LHFPL3: variants seen among roughly 807,000 people sequenced by gnomAD.
LHFPL3 encodes LHFPL tetraspan subfamily member 3, also known as LHFPL tetraspan subfamily member 3 protein.
In LHFPL3, 5 loss-of-function variants were observed where a neutral mutation model predicts 19.3. That is an observed-to-expected ratio of 0.26 (90% CI 0.14 to 0.54). The LOEUF is 0.54. Ranked by LOEUF, LHFPL3 falls within the 20% of genes least tolerant of loss-of-function variation. LHFPL3 has a pLI of 0.94. For missense variants in LHFPL3, 249 were observed against 307.4 expected (o/e 0.81, Z 1.42); for synonymous variants, 133 against 126.2 (o/e 1.05, Z -0.36).
At chr7:104,798,355 A>C (rs1790173539) in intron 2 of LHFPL3, 1 of 152,254 alleles carries the variant, frequency 6.6e-6, no homozygotes. Flanking sequence ...AAAAAATCTG[A>C]ATTCATGTAA....
intron 1 of LHFPL3, among the ~76,000 whole-genome samples, chr7:104,359,184 C>T (rs1042285916): frequency 1.3e-5 from 2 of 152,116 alleles, no homozygotes; most frequent in Non-Finnish European, 2.9e-5. Flanking sequence ...ATTTATTGCC[C>T]TCAATACAGA....
At chr7:104,863,272 G>A (rs920539160) in intron 2 of LHFPL3, among the ~76,000 whole-genome samples, 4 of 152,146 alleles carry the variant, frequency 2.6e-5, no homozygotes, top group African/African-American at 9.7e-5. Flanking sequence ...ACCTCCTACT[G>A]GAGACTCACT....
At chr7:104,588,301 T>G (rs1790628429) in intron 1 of LHFPL3, among the ~76,000 whole-genome samples, 1 of 152,202 alleles carries the variant, frequency 6.6e-6, no homozygotes, top group Non-Finnish European at 1.5e-5. Context: ...GTATAAGGTG[T>G]AAGGAAGGGA....
intron 1 of LHFPL3, among the ~76,000 whole-genome samples, chr7:104,657,495 C>T (rs2115968716): frequency 6.6e-6 from 1 of 152,366 alleles, no homozygotes; most frequent in South Asian, 2.1e-4. Context: ...GTTTTAATAG[C>T]TGCCATTTCT....
chr7:104,475,704 G>T (rs1792996572), intron 1 of LHFPL3, among the ~76,000 whole-genome samples: 1 of 152,154 alleles, frequency 6.6e-6, no homozygotes, highest in Admixed American at 6.5e-5. Context: ...AAGTCCCTGA[G>T]TAGTTCAGCA....
rs139178191 is a variant in LHFPL3 at position 104,792,067 on chromosome 7, A to T, written c.682+55156A>T. 3.0e-3 allele frequency among the ~76,000 whole-genome samples: 464 copies of T among 152,312 alleles called. 2 individuals carry two copies. Among genetic ancestry groups the T allele is most frequent in the Middle Eastern group, 6.8e-3 (2 of 294 alleles). On this transcript the variant is annotated intron_variant, in intron 2 of 2. Coordinates refer to ENST00000424859, the MANE Select transcript of LHFPL3 (RefSeq NM_199000.3). ...TCAATACTGGTGATGAAAGAAAAGCATCACATTCTCATTCGAAATCAAAGG... is the reference window on the plus strand; with the variant it reads ...TCAATACTGGTGATGAAAGAAAAGCTTCACATTCTCATTCGAAATCAAAGG...
intron 2 of LHFPL3, among the ~76,000 whole-genome samples, chr7:104,769,625 A>G (rs1337750031): frequency 8.0e-6 from 1 of 124,466 alleles, no homozygotes; most frequent in Non-Finnish European, 1.8e-5. Flanking sequence ...CCAACCCCCG[A>G]CAGGCCCCGG....
At chr7:104,332,643 T>A (rs1019972212) in intron 1 of LHFPL3, among the ~76,000 whole-genome samples, 1 of 152,204 alleles carries the variant, frequency 6.6e-6, no homozygotes, top group Non-Finnish European at 1.5e-5. Flanking sequence ...AAAATTAATT[T>A]ATTTATTGGA....
chr7:104,875,712 C>G (rs1791925776), intron 2 of LHFPL3, among the ~76,000 whole-genome samples: 1 of 152,170 alleles, frequency 6.6e-6, no homozygotes, highest in Non-Finnish European at 1.5e-5. Flanking sequence ...AAAACAAAAA[C>G]TCCACACCCA....
chr7:104,362,588 G>C (rs1790406604), intron 1 of LHFPL3, among the ~76,000 whole-genome samples: 1 of 152,158 alleles, frequency 6.6e-6, no homozygotes, highest in Non-Finnish European at 1.5e-5. Flanking sequence ...GCTATGTAAG[G>C]ATGTAACTGC....
At chr7:104,517,506 C>CTT (rs34506009) in intron 1 of LHFPL3, among the ~76,000 whole-genome samples, 15 of 129,370 alleles carry the variant, frequency 1.2e-4, no homozygotes, top group African/African-American at 2.0e-4. Flanking sequence ...ATTGATTGGC[C>CTT]TTTTTTTTTT....
chr7:104,581,787 T>C (rs1790465727), intron 1 of LHFPL3, among the ~76,000 whole-genome samples: 1 of 152,004 alleles, frequency 6.6e-6, no homozygotes, highest in African/African-American at 2.4e-5. Context: ...AAACAGTAAA[T>C]AACCACGTAC....
intron 1 of LHFPL3, among the ~76,000 whole-genome samples, chr7:104,405,561 G>A (rs972722266): frequency 2.0e-5 from 3 of 152,078 alleles, no homozygotes; most frequent in Non-Finnish European, 4.4e-5. Context: ...TAAGTACTAC[G>A]ATTATTCCCA....
chr7:104,485,539 C>T (rs2115673241), intron 1 of LHFPL3, among the ~76,000 whole-genome samples: 1 of 152,250 alleles, frequency 6.6e-6, no homozygotes, highest in East Asian at 1.9e-4. Flanking sequence ...TAAAATTATG[C>T]TTGCTACATA....
chr7:104,530,708 C>T (rs746600496), intron 1 of LHFPL3, among the ~76,000 whole-genome samples: 5 of 152,264 alleles, frequency 3.3e-5, no homozygotes, highest in African/African-American at 7.2e-5. Flanking sequence ...CTTTAAGAAA[C>T]GGAACTGATT....
chr7:104,468,382 G>A (rs908738266), intron 1 of LHFPL3, among the ~76,000 whole-genome samples: 1 of 152,224 alleles, frequency 6.6e-6, no homozygotes, highest in Non-Finnish European at 1.5e-5. Flanking sequence ...AAGAATGGAA[G>A]CCAGTGCCAA....
At chr7:104,504,536 A>G (rs1416379280) in intron 1 of LHFPL3, among the ~76,000 whole-genome samples, 2 of 152,206 alleles carry the variant, frequency 1.3e-5, no homozygotes, top group Non-Finnish European at 2.9e-5. Flanking sequence ...GTTAAAAGCA[A>G]TAGCAATCCT....
intron 1 of LHFPL3, among the ~76,000 whole-genome samples, chr7:104,448,230 A>G (rs902205385): frequency 2.6e-5 from 4 of 152,182 alleles, no homozygotes; most frequent in Non-Finnish European, 5.9e-5. Flanking sequence ...GAATAATGAA[A>G]AATACAGGGA....
intron 1 of LHFPL3, among the ~76,000 whole-genome samples, chr7:104,563,309 G>A (rs1373904339): frequency 2.0e-5 from 3 of 152,280 alleles, no homozygotes; most frequent in Non-Finnish European, 4.4e-5. Flanking sequence ...TTTGATCTCA[G>A]ACTGCTGTGC....
Sources: allele counts gnomAD v4.1 joint callset (sites outside exome capture counted in the v4.1 genomes callset), GRCh38; gene constraint gnomAD v4.1.1; transcripts MANE v1.5; gene names NCBI Gene and HGNC (gene_info 2026-07-23, HGNC 2026-07-21).